Variants in RTEL1 observed in about 807,000 individuals in gnomAD.
The protein encoded by RTEL1 is regulator of telomere elongation helicase 1, also known as regulator of telomere length.
RTEL1 carries 86 observed loss-of-function variants against 162.2 expected under a neutral mutation model. That is an observed-to-expected ratio of 0.53 (90% CI 0.45 to 0.63). RTEL1 has a LOEUF of 0.63. Ranked by LOEUF, RTEL1 falls within the 30% of genes least tolerant of loss-of-function variation. The probability of loss-of-function intolerance (pLI) is 0.00; values close to 1 mark genes in which losing one functional copy is unlikely to be tolerated. For missense variants in RTEL1, 1,941 were observed against 1,750.2 expected, an observed-to-expected ratio of 1.11 and a Z score of -1.95; for synonymous variants, 958 against 717.9, an observed-to-expected ratio of 1.33 and a Z score of -5.35.
Position 63,695,936 on chromosome 20 carries a change from C to A in RTEL1, c.*78C>A. 1 of 1,421,372 alleles carries A rather than the reference C, an allele frequency of 7.0e-7. No homozygotes were observed. Among genetic ancestry groups the A allele is most frequent in the South Asian group, 1.3e-5 (1 of 78,942 alleles). The allele number at this position is 1,421,372 out of a possible 1,614,324, so 88.0% of individuals were successfully genotyped here. A position where few individuals can be genotyped will look rare whatever the true frequency, so the allele number is the denominator to read the frequency against. ...CAGCTCTGGTGGGCCAAGAACCCAC[C>A]CAACAGAATAGGCCAGCCCATGCCA... On this transcript the variant is annotated 3_prime_UTR_variant, in exon 35 of 35. Transcript: ENST00000360203.
rs369716125 is a variant in RTEL1, at chr20:63,693,212, G to C, written c.2921G>C (p.Arg974Pro). Residue 974 changes from arginine (R) to proline (P), a missense_variant, in exon 30 of 35, where the codon CGA (arginine) becomes CCA (proline). Coordinates refer to ENST00000360203, the MANE Select transcript of RTEL1 (RefSeq NM_001283009.2). Reference sequence around the variant, plus strand: ...GAGGTCTGTATCCAGCTGACAGGACGAGGCTGTGGCTATCGGCCTGAGCAC... The same window carrying C: ...GAGGTCTGTATCCAGCTGACAGGACCAGGCTGTGGCTATCGGCCTGAGCAC... ...FEEVCIQLTGRGCGYRPEHSI... is the reference protein window; with the variant it reads ...FEEVCIQLTGPGCGYRPEHSI... The C allele has an allele frequency of 1.9e-6, 3 of 1,612,128 alleles. No individual in the cohort carries two copies. The highest frequency in any genetic ancestry group is 2.2e-5 in the East Asian group (1 of 44,886).
At chr20:63,692,750 C>G (rs1464088505) in intron 28 of RTEL1, 55 bp from the exon 29 acceptor site, 3 of 1,541,144 alleles carry the variant, frequency 1.9e-6, no homozygotes, top group Non-Finnish European at 2.7e-6. Flanking sequence ...TCTGCAGCCC[C>G]AGGGACCAGA....
chr20:63,662,813 G>T lies in RTEL1; in HGVS notation c.478-16G>T. On this transcript the variant is annotated splice_polypyrimidine_tract_variant and intron_variant, in intron 5 of 34. Coordinates refer to ENST00000360203, the MANE Select transcript of RTEL1 (RefSeq NM_001283009.2). The stretch of plus-strand genomic sequence containing the variant: ...TGGCCGTGCTTCAGCTGCGCACTCT[G>T]CCCTTCCTCCCACAGATCCACTTGT... The T allele has an allele frequency of 1.2e-6, 2 of 1,613,702 alleles. No individual in the cohort carries two copies. Among genetic ancestry groups the T allele is most frequent in the Non-Finnish European group, 1.7e-6 (2 of 1,179,970 alleles).
intron 14 of RTEL1, 25 bp from the exon 15 acceptor site, chr20:63,685,498 G>A (rs1352477972): frequency 6.2e-7 from 1 of 1,609,730 alleles, no homozygotes; most frequent in Admixed American, 1.7e-5. Flanking sequence ...GCTCCTGACG[G>A]GGCTGCACTT....
chr20:63,689,992 G>T lies in RTEL1; in HGVS notation c.2142-95G>T, dbSNP rs531949534. Reference sequence around the variant, plus strand: ...GCCTCTCCGGCTACTCGGGGTCAGCGTGGGGCCCCTGCAGCAGATGAGGGT... The same window carrying T: ...GCCTCTCCGGCTACTCGGGGTCAGCTTGGGGCCCCTGCAGCAGATGAGGGT... On this transcript the variant is annotated intron_variant, in intron 24 of 34. Coordinates refer to ENST00000360203, the MANE Select transcript of RTEL1 (RefSeq NM_001283009.2). 26 of 1,565,596 alleles carry T rather than the reference G, an allele frequency of 1.7e-5. 1 individual carries two copies. The Admixed American group carries it at 1.7e-4, about 10-fold the overall frequency.
In RTEL1 at chr20:63,670,437, G is replaced by A. The variant is rs942261583; in HGVS notation, c.700-2119G>A. Among the ~76,000 whole-genome samples the A allele has an allele frequency of 4.0e-5, 6 of 150,668 alleles. 2 individuals are homozygous for A. Among genetic ancestry groups the A allele is most frequent in the African/African-American group, 1.2e-4 (5 of 40,864 alleles). ...CCACTGGGAGAGCATCCGGACAGAC[G>A]TTTCACCAAGGTGGATGGAATGACC... is the stretch of plus-strand genomic sequence containing the variant. On this transcript the variant is annotated intron_variant, in intron 8 of 34. Coordinates refer to ENST00000360203, the MANE Select transcript of RTEL1 (RefSeq NM_001283009.2).
chr20:63,675,140 C>T (rs1435484259), intron 10 of RTEL1, among the ~76,000 whole-genome samples: 2 of 152,092 alleles, frequency 1.3e-5, no homozygotes, highest in African/African-American at 2.4e-5. Flanking sequence ...CCTGACCTCA[C>T]GTGATCCACC....
rs2090838148 is a variant in RTEL1, at chr20:63,693,468, TCCACCTC to T, written c.2992+187_2992+193del. 5.9e-3 allele frequency among the ~76,000 whole-genome samples: 58 copies of T among 9,758 alleles called. 7 individuals are homozygous for T. Among genetic ancestry groups the T allele is most frequent in the East Asian group, 0.03 (17 of 574 alleles). The allele number at this position is 9,758 out of a possible 152,430, so 6.4% of individuals were successfully genotyped here. ...CAGCAGCACCACCTCCACCTCCACC[TCCACCTC>T]CACCTCCACCACCACCTCCACCTCC... is the stretch of plus-strand genomic sequence containing the variant. On this transcript the variant is annotated intron_variant, in intron 30 of 34. Coordinates refer to ENST00000360203, the MANE Select transcript of RTEL1 (RefSeq NM_001283009.2).
intron 8 of RTEL1, 55 bp from the exon 9 acceptor site, chr20:63,672,501 C>A: frequency 7.0e-7 from 1 of 1,423,164 alleles, no homozygotes; most frequent in South Asian, 1.2e-5. Flanking sequence ...CTTGGCTTCC[C>A]TCTTTCCCGG....
At chr20:63,666,669 G>A (rs1601097983) in intron 7 of RTEL1, among the ~76,000 whole-genome samples, 2 of 151,874 alleles carry the variant, frequency 1.3e-5, no homozygotes, top group Admixed American at 1.3e-4. Flanking sequence ...CCAAGTAGCC[G>A]GGACTGCAGG....
Position 63,661,697 on chromosome 20 carries a change from G to A in RTEL1, c.302-153G>A. ...TTTTTTGCTGAATTAGGGCACGGCA[G>A]ATGCCCACTTCACCCATTTTTGATA... On this transcript the variant is annotated intron_variant, in intron 3 of 34. Coordinates refer to ENST00000360203, the MANE Select transcript of RTEL1 (RefSeq NM_001283009.2). This position sits in a 1 kb window ranked among gnomAD's most constrained non-coding sequence, Gnocchi z 5.1. 2.3e-6 allele frequency: 2 copies of A among 861,728 alleles called. No homozygotes were observed. Among genetic ancestry groups the A allele is most frequent in the Non-Finnish European group, 3.7e-6 (2 of 545,090 alleles). The allele number at this position is 861,728 out of a possible 1,614,324, so 53.4% of individuals were successfully genotyped here. A position where few individuals can be genotyped will look rare whatever the true frequency, so the allele number is the denominator to read the frequency against.
chr20:63,661,398 C>T lies in RTEL1; in HGVS notation c.203C>T (p.Ser68Phe). 6.2e-7 allele frequency: 1 copy of T among 1,614,020 alleles called. No homozygotes were observed. The highest frequency in any genetic ancestry group is 8.5e-7 in the Non-Finnish European group (1 of 1,180,050). ...CGAGAACACCTCCGAGACGGCATCT[C>T]TGCCCGCAAGATTGCCGAGAGGGCG... ...AWREHLRDGI[S>F]ARKIAERAQG... Residue 68 changes from serine to phenylalanine, a missense_variant, in exon 3 of 35, where the codon TCT (serine) becomes TTT (phenylalanine). By Grantham distance (155) the Ser-to-Phe change is radical. Transcript: ENST00000360203. The surrounding 1 kb of genome is among the most constrained non-coding windows in gnomAD (Gnocchi z 5.1).
chr20:63,693,822 C>G (rs1309443919), intron 30 of RTEL1, among the ~76,000 whole-genome samples: 2 of 141,188 alleles, frequency 1.4e-5, no homozygotes, highest in African/African-American at 5.3e-5. Context: ...ACAGCCCTGT[C>G]CCTGCCATAG....
At position 63,694,813 on chromosome 20, in the gene RTEL1, G is replaced by C. The variant is rs1167219600; in HGVS notation, c.3182G>C (p.Ser1061Thr). The C allele has an allele frequency of 4.3e-6, 7 of 1,612,500 alleles. No individual in the cohort carries two copies. The highest frequency in any genetic ancestry group is 5.9e-6 in the Non-Finnish European group (7 of 1,179,792). ...RAGKQGQHAV[S>T]AYLADARRAL... Reference sequence around the variant, plus strand: ...GGGAAGCAGGGCCAGCACGCCGTGAGCGCCTACCTGGCTGATGCCCGCAGG... The same window carrying C: ...GGGAAGCAGGGCCAGCACGCCGTGACCGCCTACCTGGCTGATGCCCGCAGG... Residue 1061 changes from serine to threonine, a missense_variant, in exon 32 of 35, where the codon AGC becomes ACC. Physicochemically the swap from Ser to Thr is moderately conservative, Grantham distance 58. Transcript: ENST00000360203.
intron 7 of RTEL1, among the ~76,000 whole-genome samples, chr20:63,666,562 G>T (rs1168546482): frequency 1.3e-5 from 2 of 151,982 alleles, no homozygotes; most frequent in Non-Finnish European, 2.9e-5. Flanking sequence ...TTGAAACAGG[G>T]TCTCGCTCTG....
At chr20:63,676,910 GGCGAC>G (rs1354189558) in intron 10 of RTEL1, among the ~76,000 whole-genome samples, 1 of 39,952 alleles carries the variant, frequency 2.5e-5, no homozygotes, top group Non-Finnish European at 4.9e-5. Flanking sequence ...ACTCCAGCCT[GGCGAC>G]AGAGCGAGAC....
rs191084446 is a variant in RTEL1, at chr20:63,685,200, T to A, written c.1192-323T>A. Among the ~76,000 whole-genome samples, 303 of 152,234 alleles carry A rather than the reference T, an allele frequency of 2.0e-3. 3 individuals are homozygous for A. Among genetic ancestry groups the A allele is most frequent in the Admixed American group, 1.0e-3 (16 of 15,298 alleles). ...ACTGCACTAGGCCATGTTGAATTTC[T>A]AGATTAATTTGGGGCCCTCAGGGGC... On this transcript the variant is annotated intron_variant, in intron 14 of 34. Transcript: ENST00000360203.
In RTEL1 at chr20:63,680,730, C is replaced by A. The variant is rs753117816; in HGVS notation, c.1191+11C>A. The A allele has an allele frequency of 6.2e-7, 1 of 1,613,284 alleles. No homozygotes were observed. The highest frequency in any genetic ancestry group is 1.1e-5 in the South Asian group (1 of 91,090). On this transcript the variant is annotated intron_variant, in intron 14 of 34. Transcript: ENST00000360203. ...GCGGACATTATCCAGGTGGGGCCTG[C>A]TCCTCTGTGGCATCTCCTTCCCTGA... is the stretch of plus-strand genomic sequence containing the variant.
At chr20:63,659,024 G>A (rs1244493010) in intron 1 of RTEL1, among the ~76,000 whole-genome samples, 4 of 152,220 alleles carry the variant, frequency 2.6e-5, no homozygotes, top group African/African-American at 9.6e-5. Context: ...CACTGTGGGC[G>A]TCTTTTCCAG....
Sources: gnomAD v4.1 joint callset for allele counts (sites outside exome capture counted in the v4.1 genomes callset) on GRCh38, gnomAD v4.1.1 for gene constraint, Gnocchi (gnomAD v3.1) non-coding constraint, MANE v1.5 for transcripts, NCBI Gene and HGNC (gene_info 2026-07-23, HGNC 2026-07-21) for gene names.